The following LUZP2 variants were observed in gnomAD, a reference collection of about 807,000 sequenced individuals.
LUZP2 encodes the protein leucine zipper protein 2.
Under a neutral mutation model 51.6 loss-of-function variants are expected in LUZP2, and 52 were observed. That is an observed-to-expected ratio of 1.01 (90% CI 0.81 to 1.27). The LOEUF (loss-of-function observed/expected upper bound fraction) is 1.27, where lower values mean the gene tolerates loss of function less well. LUZP2 is among the 50% of genes most tolerant of loss of function. The probability of loss-of-function intolerance (pLI) is 0.00; values close to 1 mark genes in which losing one functional copy is unlikely to be tolerated. For missense variants in LUZP2, 436 were observed against 395.4 expected (o/e 1.10, Z -0.87); for synonymous variants, 154 against 137.3 (o/e 1.12, Z -0.85).
intron 1 of LUZP2, among the ~76,000 whole-genome samples, chr11:24,513,259 TC>T (rs1850367277): frequency 6.6e-6 from 1 of 152,232 alleles, no homozygotes; most frequent in East Asian, 1.9e-4. Context: ...AAAAATTAAG[TC>T]CCCCTTGCCT....
intron 10 of LUZP2, among the ~76,000 whole-genome samples, chr11:25,054,479 A>AT (rs1273571676): frequency 1.3e-5 from 2 of 151,998 alleles, no homozygotes; most frequent in Non-Finnish European, 2.9e-5. Context: ...ATATTCTTCA[A>AT]TTTTTTGTGT....
intron 1 of LUZP2, among the ~76,000 whole-genome samples, chr11:24,686,697 G>T (rs543063438): frequency 1.3e-5 from 2 of 152,196 alleles, no homozygotes; most frequent in East Asian, 1.9e-4. Flanking sequence ...GTCTATTTCT[G>T]TTGGCAGTAG....
intron 9 of LUZP2, among the ~76,000 whole-genome samples, chr11:25,013,164 TA>T (rs1263141969): frequency 6.6e-6 from 1 of 152,044 alleles, no homozygotes; most frequent in Non-Finnish European, 1.5e-5. Context: ...ATGTGGGAGC[TA>T]AAACTTTGAT....
At chr11:24,799,982 C>A (rs995422780) in intron 5 of LUZP2, among the ~76,000 whole-genome samples, 1 of 152,030 alleles carries the variant, frequency 6.6e-6, no homozygotes, top group Middle Eastern at 3.2e-3. Context: ...AGCTAAAGGA[C>A]GAAACAATCC....
chr11:24,820,814 T>C (rs1850335769), intron 5 of LUZP2, among the ~76,000 whole-genome samples: 1 of 152,150 alleles, frequency 6.6e-6, no homozygotes, highest in African/African-American at 2.4e-5. Flanking sequence ...GAAGGCATAG[T>C]GTAAGAAGAA....
At chr11:24,642,580 T>G (rs986674856) in intron 1 of LUZP2, among the ~76,000 whole-genome samples, 1 of 151,892 alleles carries the variant, frequency 6.6e-6, no homozygotes, top group African/African-American at 2.4e-5. Flanking sequence ...GAAAGCATAA[T>G]ATACACAGAT....
At chr11:25,006,241 C>T (rs1856831812) in intron 9 of LUZP2, among the ~76,000 whole-genome samples, 1 of 152,078 alleles carries the variant, frequency 6.6e-6, no homozygotes. Flanking sequence ...TTTTTAGAAG[C>T]AGGACTAGTC....
At chr11:24,536,447 C>T (rs189688782) in intron 1 of LUZP2, among the ~76,000 whole-genome samples, 2 of 151,938 alleles carry the variant, frequency 1.3e-5, no homozygotes, top group East Asian at 3.9e-4. Flanking sequence ...TAACTTCCTG[C>T]ACCTTCTCAA....
At chr11:24,677,759 C>T (rs1667329290) in intron 1 of LUZP2, among the ~76,000 whole-genome samples, 1 of 152,026 alleles carries the variant, frequency 6.6e-6, no homozygotes, top group South Asian at 2.1e-4. Flanking sequence ...TAGAGAAAGA[C>T]AGAGAGAGGG....
At chr11:24,599,189 C>T (rs72878844) in intron 1 of LUZP2, among the ~76,000 whole-genome samples, 1 of 151,980 alleles carries the variant, frequency 6.6e-6, no homozygotes, top group Non-Finnish European at 1.5e-5. Flanking sequence ...TCTTGAGGCA[C>T]TTAGGTTTAA....
chr11:24,725,995 A>G (rs1467821998), intron 1 of LUZP2, among the ~76,000 whole-genome samples: 1 of 152,112 alleles, frequency 6.6e-6, no homozygotes, highest in Non-Finnish European at 1.5e-5. Context: ...CCCTCACAGG[A>G]AACAGCCCTA....
At chr11:24,684,147 C>G (rs1856828006) in intron 1 of LUZP2, among the ~76,000 whole-genome samples, 1 of 152,030 alleles carries the variant, frequency 6.6e-6, no homozygotes, top group South Asian at 2.1e-4. Flanking sequence ...TCTAATAGGC[C>G]TCCCAATCAG....
chr11:25,020,521 T>C (rs1857301645), intron 9 of LUZP2, among the ~76,000 whole-genome samples: 1 of 152,114 alleles, frequency 6.6e-6, no homozygotes, highest in Non-Finnish European at 1.5e-5. Flanking sequence ...TGCAGCACTA[T>C]GCATCCTCTT....
intron 9 of LUZP2, among the ~76,000 whole-genome samples, chr11:25,023,281 A>C (rs1360216402): frequency 2.0e-5 from 3 of 151,598 alleles, no homozygotes; most frequent in Non-Finnish European, 4.4e-5. Flanking sequence ...CTAATCCCGG[A>C]CTTTTTTTTT....
At chr11:25,069,398 A>G (rs1447418977) in intron 10 of LUZP2, among the ~76,000 whole-genome samples, 2 of 151,992 alleles carry the variant, frequency 1.3e-5, no homozygotes. Context: ...TATACATCAA[A>G]TCAATTTCAG....
chr11:24,648,159 C>T (rs1855518243), intron 1 of LUZP2, among the ~76,000 whole-genome samples: 1 of 151,884 alleles, frequency 6.6e-6, no homozygotes, highest in Non-Finnish European at 1.5e-5. Context: ...TTCGATATTC[C>T]TAAAGCTTGT....
intron 1 of LUZP2, among the ~76,000 whole-genome samples, chr11:24,703,736 G>A (rs1297913998): frequency 1.3e-5 from 2 of 152,036 alleles, no homozygotes; most frequent in African/African-American, 4.8e-5. Context: ...GGCTGAGGCA[G>A]GAGAATCGCT....
At chr11:24,749,063 C>A (rs75454189) in intron 4 of LUZP2, among the ~76,000 whole-genome samples, 1,994 of 152,214 alleles carry the variant, frequency 0.013, 24 homozygotes, top group Non-Finnish European at 0.017. Context: ...CCTTTCTTGA[C>A]GTTAACAAAT....
chr11:24,608,621 G>GT (rs1387466466), intron 1 of LUZP2, among the ~76,000 whole-genome samples: 2 of 152,130 alleles, frequency 1.3e-5, no homozygotes, highest in African/African-American at 4.8e-5. Context: ...AGTTGTGATT[G>GT]TAAGTTTAGT....
Sources: gnomAD v4.1 joint callset for allele counts (sites outside exome capture counted in the v4.1 genomes callset) on GRCh38, gnomAD v4.1.1 for gene constraint, MANE v1.5 for transcripts, NCBI Gene and HGNC (gene_info 2026-07-23, HGNC 2026-07-21) for gene names.